Variants in ICA1 observed in about 807,000 individuals in gnomAD.
ICA1 encodes the protein islet cell autoantigen 1.
ICA1 carries 40 observed loss-of-function variants against 71.0 expected under a neutral mutation model. That is an observed-to-expected ratio of 0.56 (90% CI 0.44 to 0.73). The LOEUF (loss-of-function observed/expected upper bound fraction) is 0.73. Ranked by LOEUF, ICA1 falls within the 30% of genes least tolerant of loss-of-function variation. The pLI is 0.00. For synonymous variants in ICA1, 207 were observed against 209.5 expected, an observed-to-expected ratio of 0.99 and a Z score of 0.10; for missense variants, 578 against 576.5, an observed-to-expected ratio of 1.00 and a Z score of -0.03.
At chr7:8,200,878 T>G (rs1281029147) in intron 6 of ICA1, among the ~76,000 whole-genome samples, 1 of 152,214 alleles carries the variant, frequency 6.6e-6, no homozygotes. Context: ...AAAAGCCATG[T>G]CTAGCTTTGG....
intron 1 of ICA1, among the ~76,000 whole-genome samples, chr7:8,241,648 G>C (rs1253858344): frequency 1.3e-5 from 2 of 152,164 alleles, no homozygotes; most frequent in African/African-American, 4.8e-5. Context: ...AGACCCATCA[G>C]TGTGCTGTAT....
chr7:8,241,543 C>CA (rs150253631), intron 1 of ICA1, among the ~76,000 whole-genome samples: 63,602 of 151,806 alleles, frequency 0.42, 14,520 homozygotes, highest in African/African-American at 0.61. Context: ...ATCATAATGA[C>CA]AGATTAAATT....
intron 6 of ICA1, among the ~76,000 whole-genome samples, chr7:8,201,845 C>G (rs553447216): frequency 1.3e-5 from 2 of 152,264 alleles, no homozygotes; most frequent in East Asian, 3.8e-4. Context: ...AGGAAGGAGG[C>G]TGAGGATTTT....
At chr7:8,168,956 C>T (rs764700737) in intron 6 of ICA1, among the ~76,000 whole-genome samples, 4 of 152,030 alleles carry the variant, frequency 2.6e-5, no homozygotes, top group Non-Finnish European at 5.9e-5. Context: ...CAACTATGAC[C>T]ACAATCATGA....
chr7:8,145,927 C>T (rs893641810), intron 8 of ICA1, among the ~76,000 whole-genome samples: 2 of 151,944 alleles, frequency 1.3e-5, no homozygotes, highest in African/African-American at 2.4e-5. Flanking sequence ...ATGTGCATTC[C>T]TTCACCAATA....
intron 1 of ICA1, among the ~76,000 whole-genome samples, chr7:8,257,330 C>T (rs1314043458): frequency 6.6e-6 from 1 of 152,152 alleles, no homozygotes; most frequent in East Asian, 1.9e-4. Flanking sequence ...CCCCTAGGTA[C>T]TATTAGGTTT....
intron 6 of ICA1, among the ~76,000 whole-genome samples, chr7:8,210,562 G>A (rs756607963): frequency 4.0e-5 from 6 of 151,814 alleles, no homozygotes; most frequent in Non-Finnish European, 5.9e-5. Context: ...TAATTTCCTA[G>A]CCTATCCATT....
At chr7:8,177,482 G>A (rs1780978119) in intron 6 of ICA1, among the ~76,000 whole-genome samples, 1 of 152,166 alleles carries the variant, frequency 6.6e-6, no homozygotes, top group South Asian at 2.1e-4. Flanking sequence ...TCTAATCTGA[G>A]AAGCACATAT....
chr7:8,169,468 G>A (rs1165174053), intron 6 of ICA1, among the ~76,000 whole-genome samples: 1 of 152,028 alleles, frequency 6.6e-6, no homozygotes, highest in Non-Finnish European at 1.5e-5. Flanking sequence ...GCATCATTTT[G>A]TATTCCTACC....
At chr7:8,236,136 T>C (rs1801773758) in intron 1 of ICA1, 131 bp from the exon 2 acceptor site, 2 of 509,792 alleles carry the variant, frequency 3.9e-6, no homozygotes, top group Admixed American at 7.3e-5. Context: ...TACACAGTAA[T>C]GCTGCACACT....
chr7:8,247,820 T>C lies in ICA1; in HGVS notation c.-79-11815A>G, dbSNP rs534949643. On this transcript the variant is annotated intron_variant, in intron 1 of 13. Coordinates refer to ENST00000402384, the MANE Select transcript of ICA1 (RefSeq NM_001136020.3). ...AGCTGATGGCACTTCTGATTACTTT[T>C]GAATTATGCAAAGAATCTAAAATTC... is the stretch of plus-strand genomic sequence containing the variant. 1.9e-4 allele frequency among the ~76,000 whole-genome samples: 29 copies of C among 152,362 alleles called. No homozygotes were observed. In the East Asian group the frequency reaches 4.2e-3, roughly 22 times the overall value.
In ICA1 at chr7:8,163,853, G is replaced by A. The variant is rs187025706; in HGVS notation, c.580-5201C>T. On this transcript the variant is annotated intron_variant, in intron 6 of 13. Coordinates refer to ENST00000402384, the MANE Select transcript of ICA1 (RefSeq NM_001136020.3). The stretch of plus-strand genomic sequence containing the variant: ...GAGGTGAGTTGGGGCACATCCTGGA[G>A]CAGCACCTTGTTGGCGTGCTCAGGA... Among the ~76,000 whole-genome samples the A allele has an allele frequency of 9.8e-5, 15 of 152,310 alleles. No individual in the cohort carries two copies. The East Asian group carries it at 2.7e-3, about 27-fold the overall frequency.
chr7:8,239,699 C>A (rs1460362764), intron 1 of ICA1, among the ~76,000 whole-genome samples: 1 of 152,194 alleles, frequency 6.6e-6, no homozygotes. Context: ...CGCCCAAATA[C>A]TGCACTTTTC....
At chr7:8,131,321 A>C (rs1176763012) in intron 12 of ICA1, among the ~76,000 whole-genome samples, 2 of 152,230 alleles carry the variant, frequency 1.3e-5, no homozygotes, top group African/African-American at 4.8e-5. Flanking sequence ...TGCTTTTAAA[A>C]ATTTAAACCT....
At chr7:8,243,619 G>T (rs926312383) in intron 1 of ICA1, among the ~76,000 whole-genome samples, 1 of 152,224 alleles carries the variant, frequency 6.6e-6, no homozygotes, top group Non-Finnish European at 1.5e-5. Flanking sequence ...AAAAGAAGAA[G>T]TCTAATTGTC....
chr7:8,141,225 A>G (rs1207778302), intron 10 of ICA1, among the ~76,000 whole-genome samples: 1 of 152,170 alleles, frequency 6.6e-6, no homozygotes, highest in Admixed American at 6.5e-5. Context: ...CCATCTCCCA[A>G]CGCTCTGACC....
intron 6 of ICA1, among the ~76,000 whole-genome samples, chr7:8,204,350 T>C (rs1314801660): frequency 1.3e-5 from 2 of 152,250 alleles, no homozygotes; most frequent in African/African-American, 2.4e-5. Flanking sequence ...CGTATGGCTA[T>C]GGGCAAGTCA....
In ICA1 at chr7:8,143,969, A is replaced by C; in HGVS notation, c.808T>G (p.Leu270Val). ...ACTAATTTTTTCATAGGGTCTTGTA[A>C]GCTCTTGATCACGAGCCATAGAAAA... ...QPYEFTTLKSLQDPMKKLVEK... is the reference protein window; with the variant it reads ...QPYEFTTLKSVQDPMKKLVEK... Residue 270 changes from leucine to valine, a missense_variant, in exon 9 of 14, where the codon TTA becomes GTA. Transcript: ENST00000402384. 6.5e-7 allele frequency: 1 copy of C among 1,544,680 alleles called. No homozygotes were observed. The highest frequency in any genetic ancestry group is 8.9e-7 in the Non-Finnish European group (1 of 1,117,790).
At chr7:8,247,043 G>A (rs1806304902) in intron 1 of ICA1, among the ~76,000 whole-genome samples, 1 of 152,160 alleles carries the variant, frequency 6.6e-6, no homozygotes, top group Admixed American at 6.5e-5. Flanking sequence ...ACCATGCCTG[G>A]CCTTTCCTTT....
Sources: gnomAD v4.1 joint callset for allele counts (sites outside exome capture counted in the v4.1 genomes callset) on GRCh38, gnomAD v4.1.1 for gene constraint, MANE v1.5 for transcripts, NCBI Gene and HGNC (gene_info 2026-07-23, HGNC 2026-07-21) for gene names.